The following IRF2 variants were observed in gnomAD, a reference collection of about 807,000 sequenced individuals.
IRF2 encodes the protein interferon regulatory factor 2.
Under a neutral mutation model 40.6 loss-of-function variants are expected in IRF2, and 15 were observed. The ratio of observed to expected loss-of-function variants is 0.37; its 90% CI spans 0.25 to 0.57. The LOEUF (loss-of-function observed/expected upper bound fraction) is 0.57. Ranked by LOEUF, IRF2 falls within the 20% of genes least tolerant of loss-of-function variation. IRF2 has a pLI of 0.77. For synonymous variants in IRF2, 151 were observed against 165.5 expected (o/e 0.91, Z 0.67); for missense variants, 317 against 455.7 (o/e 0.70, Z 2.77).
At chr4:184,421,604 C>A (rs1429790471) in intron 2 of IRF2, among the ~76,000 whole-genome samples, 1 of 152,144 alleles carries the variant, frequency 6.6e-6, no homozygotes, top group Non-Finnish European at 1.5e-5. Flanking sequence ...TAAGAATTTG[C>A]TGTTGCACTT....
At chr4:184,390,812 G>A in intron 7 of IRF2, 63 bp from the exon 8 acceptor site, 2 of 1,577,910 alleles carry the variant, frequency 1.3e-6, no homozygotes, top group South Asian at 1.1e-5. Flanking sequence ...CCCAGGCTCA[G>A]GCAGTGTTTA....
intron 1 of IRF2, among the ~76,000 whole-genome samples, chr4:184,438,962 C>T (rs1185852352): frequency 9.9e-5 from 15 of 152,170 alleles, no homozygotes; most frequent in Middle Eastern, 3.2e-3. Flanking sequence ...TGAAGTCAGC[C>T]ATTGCCAGTC....
rs151317536 is a variant in IRF2, at chr4:184,429,006, G to T, written c.59C>A (p.Thr20Lys). The change falls in exon 2 of 9, where the codon ACG becomes AAG. Residue 20 changes from threonine to lysine, a missense_variant. Physicochemically the swap from Thr to Lys is moderately conservative, Grantham distance 78. This residue lies in a region of IRF2 where 55 missense variants were observed against 121.7 expected (regional missense o/e 0.45). Transcript: ENST00000393593. ...PWLEEQINSN[T>K]IPGLKWLNKE... ...GTTAAGCCACTTGAGCCCCGGGATC[G>T]TGTTGGAGTTTATCTGCTCCTCCAG... 1.2e-6 allele frequency: 2 copies of T among 1,614,124 alleles called. No homozygotes were observed. Among genetic ancestry groups the T allele is most frequent in the African/African-American group, 2.7e-5 (2 of 75,064 alleles).
intron 1 of IRF2, among the ~76,000 whole-genome samples, chr4:184,431,611 T>C (rs1737881410): frequency 6.6e-6 from 1 of 151,330 alleles, no homozygotes; most frequent in Admixed American, 6.6e-5. Context: ...GTCAAGAAAA[T>C]AGAGGGAAGA....
At chr4:184,390,643 C>T (rs945772080) in intron 8 of IRF2, 60 bp downstream of exon 8, 21 of 1,542,710 alleles carry the variant, frequency 1.4e-5, no homozygotes, top group African/African-American at 6.8e-5. Flanking sequence ...AAGGAAAGCC[C>T]GGAGCTGGTC....
chr4:184,424,393 A>C (rs1737593275), intron 2 of IRF2, among the ~76,000 whole-genome samples: 1 of 152,118 alleles, frequency 6.6e-6, no homozygotes, highest in Non-Finnish European at 1.5e-5. Context: ...TTTAATCCCC[A>C]ATGTGGCAGT....
At chr4:184,416,237 G>A (rs1307511901) in intron 5 of IRF2, among the ~76,000 whole-genome samples, 8 of 150,822 alleles carry the variant, frequency 5.3e-5, no homozygotes, top group Admixed American at 4.6e-4. Flanking sequence ...AGGATCACCT[G>A]AGCCCGGGAG....
intron 1 of IRF2, among the ~76,000 whole-genome samples, chr4:184,440,840 C>G (rs1738278217): frequency 6.6e-6 from 1 of 152,126 alleles, no homozygotes; most frequent in Non-Finnish European, 1.5e-5. Context: ...CACTCTGCAA[C>G]AGAAGATGTG....
At chr4:184,444,464 G>A (rs138272114) in intron 1 of IRF2, among the ~76,000 whole-genome samples, 42 of 152,256 alleles carry the variant, frequency 2.8e-4, no homozygotes, top group South Asian at 4.2e-4. Flanking sequence ...CATGGTTTGC[G>A]GTAAGGATTA....
chr4:184,433,995 T>C (rs1737985495), intron 1 of IRF2, among the ~76,000 whole-genome samples: 1 of 152,182 alleles, frequency 6.6e-6, no homozygotes, highest in African/African-American at 2.4e-5. Flanking sequence ...TTCCGGAGAT[T>C]AAAAGACTGA....
chr4:184,419,156 G>A (rs116419661), intron 3 of IRF2, among the ~76,000 whole-genome samples: 2 of 151,850 alleles, frequency 1.3e-5, no homozygotes, highest in South Asian at 2.1e-4. Flanking sequence ...CTACCTTTTT[G>A]GGGGGGAGAT....
intron 8 of IRF2, 41 bp downstream of exon 8, chr4:184,390,662 T>G: frequency 6.2e-7 from 1 of 1,610,724 alleles, no homozygotes; most frequent in South Asian, 1.1e-5. Context: ...TCGGGAGGCT[T>G]TTCCTTGGCA....
At chr4:184,443,637 C>T (rs1738396738) in intron 1 of IRF2, among the ~76,000 whole-genome samples, 2 of 152,130 alleles carry the variant, frequency 1.3e-5, no homozygotes. Context: ...AGGTTAAGTC[C>T]ATATCTTTGC....
chr4:184,400,379 G>T (rs1332541402), intron 6 of IRF2, among the ~76,000 whole-genome samples: 2 of 152,146 alleles, frequency 1.3e-5, no homozygotes, highest in Non-Finnish European at 2.9e-5. Context: ...CACCCAAGTT[G>T]TTGTGTGTAT....
chr4:184,464,704 T>C (rs958329753), intron 1 of IRF2, among the ~76,000 whole-genome samples: 24 of 152,084 alleles, frequency 1.6e-4, no homozygotes, highest in Non-Finnish European at 2.5e-4. Context: ...TCCCTAGGCA[T>C]GTGTATTTCA....
intron 7 of IRF2, among the ~76,000 whole-genome samples, chr4:184,392,300 T>C (rs947480918): frequency 6.6e-6 from 1 of 152,194 alleles, no homozygotes; most frequent in South Asian, 2.1e-4. Context: ...TCCTATTTAG[T>C]TCCAATGCTG....
At chr4:184,422,771 CAGAG>C (rs1270053042) in intron 2 of IRF2, among the ~76,000 whole-genome samples, 2 of 152,110 alleles carry the variant, frequency 1.3e-5, no homozygotes, top group Non-Finnish European at 2.9e-5. Flanking sequence ...TCCATAGAGA[CAGAG>C]AGCAGATTAC....
intron 5 of IRF2, among the ~76,000 whole-genome samples, chr4:184,409,654 G>C: frequency 6.6e-6 from 1 of 152,182 alleles, no homozygotes; most frequent in East Asian, 1.9e-4. Context: ...AGCACTTTGG[G>C]AGGCTGAGGC....
At chr4:184,458,089 C>G (rs2149916027) in intron 1 of IRF2, among the ~76,000 whole-genome samples, 1 of 152,320 alleles carries the variant, frequency 6.6e-6, no homozygotes, top group South Asian at 2.1e-4. Flanking sequence ...CCCTGCTCAC[C>G]CACTGGCCAC....
Sources: gnomAD v4.1 joint callset for allele counts (sites outside exome capture counted in the v4.1 genomes callset) on GRCh38, gnomAD v4.1.1 for gene constraint, gnomAD v4.1.1 regional missense constraint, MANE v1.5 for transcripts, NCBI Gene and HGNC (gene_info 2026-07-23, HGNC 2026-07-21) for gene names.